Variants in LIMK2 observed in about 807,000 individuals in gnomAD.
LIMK2 encodes the protein LIM domain kinase 2.
LIMK2 carries 35 observed loss-of-function variants against 75.7 expected under a neutral mutation model. The ratio of observed to expected loss-of-function variants is 0.46; its 90% CI spans 0.35 to 0.61. The LOEUF is 0.61. Among genes scored for constraint, LIMK2 ranks in the 20% least tolerant of loss-of-function variants. The probability of loss-of-function intolerance (pLI) is 0.00; values close to 1 mark genes in which losing one functional copy is unlikely to be tolerated. For missense variants in LIMK2, 623 were observed against 831.0 expected, an observed-to-expected ratio of 0.75 and a Z score of 3.08; for synonymous variants, 301 against 319.2, an observed-to-expected ratio of 0.94 and a Z score of 0.61.
chr22:31,251,315 A>G (rs1370426395), intron 2 of LIMK2, among the ~76,000 whole-genome samples: 1 of 152,238 alleles, frequency 6.6e-6, no homozygotes, highest in Admixed American at 6.5e-5. Context: ...TTTGTGTTCC[A>G]AAGCAATCCA....
At chr22:31,242,848 T>A (rs2048634300) in intron 2 of LIMK2, among the ~76,000 whole-genome samples, 1 of 152,256 alleles carries the variant, frequency 6.6e-6, no homozygotes. Context: ...ATGAGCCAGA[T>A]ACTGAAGTGA....
intron 15 of LIMK2, chr22:31,275,601 C>T (rs1234719931): frequency 3.7e-5 from 12 of 324,908 alleles, no homozygotes; most frequent in South Asian, 1.3e-4. Flanking sequence ...ATTCATCTTT[C>T]GATATTCCCC....
intron 2 of LIMK2, among the ~76,000 whole-genome samples, chr22:31,246,875 G>A (rs1273723084): frequency 6.6e-6 from 1 of 151,930 alleles, no homozygotes; most frequent in Admixed American, 6.6e-5. Flanking sequence ...GGCTGATGAC[G>A]TTTCCTCCTT....
intron 2 of LIMK2, among the ~76,000 whole-genome samples, chr22:31,258,085 A>G (rs2048802265): frequency 6.6e-6 from 1 of 152,222 alleles, no homozygotes; most frequent in Non-Finnish European, 1.5e-5. Context: ...CCACTGAGGC[A>G]GGCAACACAG....
intron 7 of LIMK2, among the ~76,000 whole-genome samples, chr22:31,263,575 C>T (rs1481969072): frequency 6.6e-6 from 1 of 152,058 alleles, no homozygotes; most frequent in Non-Finnish European, 1.5e-5. Flanking sequence ...CACCGTGGCT[C>T]ATGCCTGTAA....
intron 1 of LIMK2, among the ~76,000 whole-genome samples, chr22:31,221,083 A>G (rs1432452227): frequency 6.6e-6 from 1 of 152,218 alleles, no homozygotes; most frequent in African/African-American, 2.4e-5. Flanking sequence ...GGAATAGAAA[A>G]TAGGTCAAAA....
At chr22:31,258,231 A>G in intron 2 of LIMK2, 60 bp from the exon 3 acceptor site, 1 of 1,514,220 alleles carries the variant, frequency 6.6e-7, no homozygotes, top group Admixed American at 2.0e-5. Context: ...AACCAGGGAC[A>G]GCTTATGTGG....
At position 31,259,128 on chromosome 22, in the gene LIMK2, G is replaced by C; in HGVS notation, c.260G>C (p.Gly87Ala). Reference sequence around the variant, plus strand: ...CTCCCCACCTGCTCACAGGTGGCTGGGGAGTTCAAGTACCACCCAGAGTGC... The same window carrying C: ...CTCCCCACCTGCTCACAGGTGGCTGCGGAGTTCAAGTACCACCCAGAGTGC... ...LLMTGPFMVA[G>A]EFKYHPECFA... The change falls in exon 4 of 16, where the codon GGG (glycine) becomes GCG (alanine). Residue 87 changes from glycine (G) to alanine (A), a missense_variant. This residue lies in a region of LIMK2 where 514 missense variants were observed against 661.3 expected (regional missense o/e 0.78). Transcript: ENST00000331728. 3.1e-6 allele frequency: 5 copies of C among 1,609,016 alleles called. No homozygotes were observed. The highest frequency in any genetic ancestry group is 4.3e-6 in the Non-Finnish European group (5 of 1,175,546).
Position 31,277,061 on chromosome 22 carries a change from A to T in LIMK2, c.1773-1236A>T, listed in dbSNP as rs140604561. 3.7e-6 allele frequency: 6 copies of T among 1,613,790 alleles called. No individual in the cohort carries two copies. Among genetic ancestry groups the T allele is most frequent in the African/African-American group, 1.3e-5 (1 of 74,874 alleles). Reference sequence around the variant, plus strand: ...AAGGAGCTGCTGGTTGACTGTTACAAACCCACAGAGGCCTTCATCTCTGGC... The same window carrying T: ...AAGGAGCTGCTGGTTGACTGTTACATACCCACAGAGGCCTTCATCTCTGGC... On this transcript the variant is annotated intron_variant, in intron 15 of 15. Coordinates refer to ENST00000331728, the MANE Select transcript of LIMK2 (RefSeq NM_005569.4).
At chr22:31,266,189 T>C in intron 8 of LIMK2, 57 bp downstream of exon 8, 1 of 1,546,500 alleles carries the variant, frequency 6.5e-7, no homozygotes. Context: ...TGTCACTGTC[T>C]TTCGGGGATT....
intron 7 of LIMK2, among the ~76,000 whole-genome samples, chr22:31,264,694 G>A (rs1466079558): frequency 1.4e-5 from 2 of 145,500 alleles, no homozygotes; most frequent in East Asian, 2.1e-4. Flanking sequence ...AGGCCGAGGC[G>A]GGCAAATCAC....
chr22:31,245,796 CAT>C (rs1404652586), intron 2 of LIMK2, among the ~76,000 whole-genome samples: 1 of 152,016 alleles, frequency 6.6e-6, no homozygotes, highest in African/African-American at 2.4e-5. Context: ...TGCTTTGTGA[CAT>C]GTGGAAATTA....
At chr22:31,277,135 A>T (rs748434198) in intron 15 of LIMK2, 10 of 1,613,542 alleles carry the variant, frequency 6.2e-6, no homozygotes, top group African/African-American at 1.3e-5. Context: ...ACCCCAGAAG[A>T]AGTGAGGGTC....
chr22:31,264,976 G>A (rs568449658), intron 7 of LIMK2, among the ~76,000 whole-genome samples: 4 of 151,636 alleles, frequency 2.6e-5, no homozygotes, highest in East Asian at 1.9e-4. Flanking sequence ...GATGGATCGC[G>A]AGATCAGGAG....
chr22:31,215,515 G>A (rs2048382493), intron 1 of LIMK2, among the ~76,000 whole-genome samples: 1 of 152,158 alleles, frequency 6.6e-6, no homozygotes, highest in Non-Finnish European at 1.5e-5. Context: ...GAAAAAAAAC[G>A]GAGTTGTCCA....
rs2048852057 is a variant in LIMK2, at chr22:31,262,612, C to T, written c.675C>T (p.Ser225=). ...GGCCACAGGTGGAGGATGCAATTAG[C>T]CAGACGAGCCAGACACTTCAGCTGT... ...LRVEEVEDAI[S]QTSQTLQLLI... is the part of the protein sequence containing the mutation. The change falls in exon 7 of 16, where the codon AGC becomes AGT. Residue 225 remains serine (S), a synonymous_variant. Coordinates refer to ENST00000331728, the MANE Select transcript of LIMK2 (RefSeq NM_005569.4). This position sits in a 1 kb window ranked among gnomAD's most constrained non-coding sequence, Gnocchi z 5.0. The T allele has an allele frequency of 1.9e-6, 3 of 1,612,246 alleles. No individual in the cohort carries two copies. Among genetic ancestry groups the T allele is most frequent in the Non-Finnish European group, 2.5e-6 (3 of 1,179,018 alleles).
chr22:31,248,904 C>A, intron 2 of LIMK2: 1 of 921,046 alleles, frequency 1.1e-6, no homozygotes, highest in Non-Finnish European at 1.7e-6. Context: ...GGAGGTTATA[C>A]CCAAGGAGAA....
At chr22:31,276,578 GCCGCCGCCC>G (rs2049022071) in intron 15 of LIMK2, among the ~76,000 whole-genome samples, 1 of 145,568 alleles carries the variant, frequency 6.9e-6, no homozygotes, top group African/African-American at 2.5e-5. Flanking sequence ...GGGCGCCCCC[GCCGCCGCCC>G]TCGCCGCGGA....
intron 2 of LIMK2, among the ~76,000 whole-genome samples, chr22:31,234,956 C>T (rs2048560689): frequency 6.6e-6 from 1 of 152,028 alleles, no homozygotes; most frequent in Admixed American, 6.6e-5. Context: ...CTGGATGGCT[C>T]AGAGAAATAT....
Sources: allele counts gnomAD v4.1 joint callset (sites outside exome capture counted in the v4.1 genomes callset), GRCh38; gene constraint gnomAD v4.1.1; regional missense constraint gnomAD v4.1.1; non-coding constraint Gnocchi (gnomAD v3.1); transcripts MANE v1.5; gene names NCBI Gene and HGNC (gene_info 2026-07-23, HGNC 2026-07-21).